GABRA2: variants seen among roughly 807,000 people sequenced by gnomAD.
GABRA2 encodes gamma-aminobutyric acid receptor subunit alpha-2.
A neutral mutation model predicts 48.7 loss-of-function variants in GABRA2; 16 were observed. The observed-to-expected ratio is 0.33, with a 90% CI of 0.22 to 0.50. GABRA2 has a LOEUF of 0.50. Ranked by LOEUF, GABRA2 falls within the 20% of genes least tolerant of loss-of-function variation. GABRA2 has a pLI of 0.98. For synonymous variants in GABRA2, 185 were observed against 184.5 expected (o/e 1.00, Z -0.02); for missense variants, 275 against 535.6 (o/e 0.51, Z 4.80).
chr4:46,304,920 T>A (rs1726394671), intron 7 of GABRA2, among the ~76,000 whole-genome samples: 1 of 65,258 alleles, frequency 1.5e-5, no homozygotes, highest in Admixed American at 2.0e-4. Context: ...CAAGACTCTG[T>A]CTCAAAAAAA....
chr4:46,343,568 T>A (rs1024628632), intron 3 of GABRA2, among the ~76,000 whole-genome samples: 8 of 151,814 alleles, frequency 5.3e-5, no homozygotes, highest in African/African-American at 1.9e-4. Context: ...TGAAAAAAAG[T>A]ACAGAAAGAG....
At chr4:46,377,004 C>T (rs540395157) in intron 3 of GABRA2, among the ~76,000 whole-genome samples, 4 of 152,284 alleles carry the variant, frequency 2.6e-5, no homozygotes, top group African/African-American at 9.6e-5. Context: ...CCTGAGGTGC[C>T]GGGATTGCAG....
At chr4:46,258,755 T>A (rs1716361240) in intron 9 of GABRA2, among the ~76,000 whole-genome samples, 1 of 151,838 alleles carries the variant, frequency 6.6e-6, no homozygotes, top group African/African-American at 2.4e-5. Flanking sequence ...GCCTGAAGAA[T>A]GATTCTGGAG....
At chr4:46,377,785 C>T (rs1209951329) in intron 3 of GABRA2, among the ~76,000 whole-genome samples, 4 of 143,834 alleles carry the variant, frequency 2.8e-5, no homozygotes, top group South Asian at 2.2e-4. Context: ...TGAGGGGCGC[C>T]TCTGCCCGGC....
At chr4:46,350,590 G>A (rs1009804280) in intron 3 of GABRA2, among the ~76,000 whole-genome samples, 4 of 151,290 alleles carry the variant, frequency 2.6e-5, no homozygotes, top group African/African-American at 7.3e-5. Context: ...ATGTTGAACT[G>A]CCTCAAACTT....
At chr4:46,299,623 A>T (rs187117347) in intron 8 of GABRA2, among the ~76,000 whole-genome samples, 56 of 152,004 alleles carry the variant, frequency 3.7e-4, no homozygotes, top group African/African-American at 1.2e-3. Flanking sequence ...GGAAAGTACC[A>T]ACAAAGTCTG....
chr4:46,273,159 TC>T (rs1206466795), intron 8 of GABRA2, among the ~76,000 whole-genome samples: 1 of 151,974 alleles, frequency 6.6e-6, no homozygotes, highest in East Asian at 1.9e-4. Flanking sequence ...TGTTTTTCCT[TC>T]CCTAGTTGTT....
At chr4:46,320,431 G>A (rs920171184) in intron 4 of GABRA2, among the ~76,000 whole-genome samples, 2 of 151,686 alleles carry the variant, frequency 1.3e-5, no homozygotes, top group Non-Finnish European at 2.9e-5. Flanking sequence ...AAATAAACAA[G>A]TCGACATACA....
chr4:46,290,264 G>C (rs1723381023), intron 8 of GABRA2, among the ~76,000 whole-genome samples: 1 of 151,066 alleles, frequency 6.6e-6, no homozygotes. Flanking sequence ...GGCTTCTTTT[G>C]ATTCCATATA....
intron 3 of GABRA2, among the ~76,000 whole-genome samples, chr4:46,345,118 C>G (rs796091383): frequency 2.0e-5 from 3 of 151,854 alleles, no homozygotes; most frequent in African/African-American, 7.2e-5. Context: ...TTATAAGGGG[C>G]TCTTCCCCCT....
At position 46,286,960 on chromosome 4, in the gene GABRA2, A is replaced by T. The variant is rs367640967; in HGVS notation, c.856+16500T>A. ...AAGTTTTTTCATGATTAAAAGAAAC[A>T]ATTTATTTATTTATTTCTGCTTGTG... is the stretch of plus-strand genomic sequence containing the variant. On this transcript the variant is annotated intron_variant, in intron 8 of 9. Coordinates refer to ENST00000381620, the MANE Select transcript of GABRA2 (RefSeq NM_000807.4). Among the ~76,000 whole-genome samples the T allele has an allele frequency of 4.8e-4, 73 of 152,286 alleles. No individual in the cohort carries two copies. The Middle Eastern group carries it at 0.014, about 28-fold the overall frequency.
At chr4:46,297,929 T>G (rs543853310) in intron 8 of GABRA2, among the ~76,000 whole-genome samples, 1 of 152,222 alleles carries the variant, frequency 6.6e-6, no homozygotes, top group South Asian at 2.1e-4. Context: ...TGGTATGGTG[T>G]GTTTTCATTT....
At chr4:46,311,907 T>C (rs1427760465) in intron 5 of GABRA2, among the ~76,000 whole-genome samples, 1 of 152,170 alleles carries the variant, frequency 6.6e-6, no homozygotes, top group Non-Finnish European at 1.5e-5. Flanking sequence ...GGGGCCAGCC[T>C]GGCCAACATG....
At chr4:46,301,921 A>T (rs1220244432) in intron 8 of GABRA2, among the ~76,000 whole-genome samples, 1 of 152,190 alleles carries the variant, frequency 6.6e-6, no homozygotes, top group Non-Finnish European at 1.5e-5. Flanking sequence ...AAGGTAATCT[A>T]CTTTGTTACA....
chr4:46,368,891 A>G lies in GABRA2; in HGVS notation c.187+17183T>C, dbSNP rs1714454419. Reference sequence around the variant, plus strand: ...TGTGCTCTCCAGTTCTTCAATCTCCATTATGCTCCACTCATTCCTTTATTT... The same window carrying G: ...TGTGCTCTCCAGTTCTTCAATCTCCGTTATGCTCCACTCATTCCTTTATTT... On this transcript the variant is annotated intron_variant, in intron 3 of 9. Coordinates refer to ENST00000381620, the MANE Select transcript of GABRA2 (RefSeq NM_000807.4). The G allele has an allele frequency of 6.5e-6, 4 of 616,418 alleles. No homozygotes were observed. In the East Asian group the frequency reaches 1.1e-4, roughly 17 times the overall value. 38.2% of individuals were successfully genotyped at this position (616,418 alleles called of 1,614,324 possible).
chr4:46,365,289 AT>A (rs1202963487), intron 3 of GABRA2: 1 of 152,134 alleles, frequency 6.6e-6, no homozygotes, highest in Non-Finnish European at 1.5e-5. Context: ...ATACCATGAA[AT>A]TTAAACATTC....
At chr4:46,349,066 G>C (rs978209106) in intron 3 of GABRA2, among the ~76,000 whole-genome samples, 3 of 151,982 alleles carry the variant, frequency 2.0e-5, no homozygotes, top group Non-Finnish European at 4.4e-5. Context: ...AGGCTCAGAT[G>C]ATTGTTGGCA....
intron 4 of GABRA2, among the ~76,000 whole-genome samples, chr4:46,323,355 G>GT (rs1174927390): frequency 6.6e-6 from 1 of 151,836 alleles, no homozygotes; most frequent in Non-Finnish European, 1.5e-5. Flanking sequence ...CTAAAATACT[G>GT]TTTTTCCATT....
chr4:46,275,913 G>C (rs1190549248), intron 8 of GABRA2, among the ~76,000 whole-genome samples: 1 of 151,762 alleles, frequency 6.6e-6, no homozygotes, highest in Non-Finnish European at 1.5e-5. Flanking sequence ...TATTTATTTG[G>C]GAGTTATAAA....
Sources: allele counts gnomAD v4.1 joint callset (sites outside exome capture counted in the v4.1 genomes callset), GRCh38; gene constraint gnomAD v4.1.1; transcripts MANE v1.5; gene names NCBI Gene and HGNC (gene_info 2026-07-23, HGNC 2026-07-21).